The following RASGRF2 variants were observed in gnomAD, a reference collection of about 807,000 sequenced individuals.
The protein encoded by RASGRF2 is Ras protein specific guanine nucleotide releasing factor 2.
Under a neutral mutation model 151.0 loss-of-function variants are expected in RASGRF2, and 76 were observed. The observed-to-expected ratio is 0.50, with a 90% CI of 0.42 to 0.61. RASGRF2 has a LOEUF of 0.61. RASGRF2 is among the 20% of genes least tolerant of loss of function. RASGRF2 has a pLI of 0.00. For missense variants in RASGRF2, 1,148 were observed against 1,564.6 expected (o/e 0.73, Z 4.49); for synonymous variants, 504 against 566.5 (o/e 0.89, Z 1.57).
chr5:81,135,771 G>A (rs139672385), intron 17 of RASGRF2, among the ~76,000 whole-genome samples: 1 of 152,276 alleles, frequency 6.6e-6, no homozygotes, highest in African/African-American at 2.4e-5. Context: ...GTGTTTGTTT[G>A]TTTGCATTTA....
intron 1 of RASGRF2, among the ~76,000 whole-genome samples, chr5:80,996,504 C>CTTCTTCTTCTTCTT (rs56180832): frequency 4.0e-5 from 2 of 50,266 alleles, no homozygotes; most frequent in African/African-American, 7.7e-5. Context: ...TCTTCTTCTT[C>CTTCTTCTTCTTCTT]CTCCTCCTCC....
chr5:81,209,790 T>C (rs1755591180), intron 22 of RASGRF2, among the ~76,000 whole-genome samples: 2 of 152,184 alleles, frequency 1.3e-5, no homozygotes, highest in Admixed American at 1.3e-4. Context: ...GACTGCTACA[T>C]TGCATTCTTG....
intron 1 of RASGRF2, among the ~76,000 whole-genome samples, chr5:80,968,942 C>T (rs1260454583): frequency 6.6e-6 from 1 of 151,962 alleles, no homozygotes; most frequent in African/African-American, 2.4e-5. Flanking sequence ...CCTTGGCCTC[C>T]CAAAGTGCTG....
At chr5:81,168,531 G>A (rs1754569596) in intron 17 of RASGRF2, among the ~76,000 whole-genome samples, 1 of 151,904 alleles carries the variant, frequency 6.6e-6, no homozygotes, top group Admixed American at 6.6e-5. Context: ...GGCTGGTCTC[G>A]AACTCCTGAC....
chr5:80,985,959 G>A (rs78940616), intron 1 of RASGRF2, among the ~76,000 whole-genome samples: 2,023 of 151,958 alleles, frequency 0.013, 39 homozygotes, highest in African/African-American at 0.046. Flanking sequence ...GTGTGTAAGC[G>A]TTTTATTTGT....
intron 12 of RASGRF2, among the ~76,000 whole-genome samples, chr5:81,099,799 C>G (rs143361081): frequency 8.5e-4 from 130 of 152,180 alleles, no homozygotes; most frequent in African/African-American, 2.9e-3. Context: ...GACAGTAATT[C>G]ACTGGCACTA....
At chr5:81,224,632 T>A (rs1441488862) in intron 26 of RASGRF2, among the ~76,000 whole-genome samples, 1 of 152,212 alleles carries the variant, frequency 6.6e-6, no homozygotes, top group East Asian at 1.9e-4. Context: ...TGGGAAGAGC[T>A]CAAGTGTCCA....
chr5:81,004,397 A>C (rs1409348703), intron 1 of RASGRF2, among the ~76,000 whole-genome samples: 1 of 152,164 alleles, frequency 6.6e-6, no homozygotes, highest in Admixed American at 6.5e-5. Context: ...TGGCTGACCT[A>C]CTGATCACAG....
chr5:81,083,709 T>G (rs1321588296), intron 7 of RASGRF2, among the ~76,000 whole-genome samples: 1 of 152,220 alleles, frequency 6.6e-6, no homozygotes, highest in East Asian at 1.9e-4. Context: ...CAGCTGCTCA[T>G]GTATTTATTT....
rs755956045 is a variant in RASGRF2, at chr5:81,217,450, G to A, written c.3529G>A (p.Val1177Ile). Residue 1177 changes from valine (V) to isoleucine (I), a missense_variant, in exon 25 of 27, where the codon GTC becomes ATC. Val to Ile is a conservative substitution (Grantham distance 29). Transcript: ENST00000265080. ...ACCAAACTTTACTGAGGAAGGCCTT[G>A]TCAATTTCTCCAAAATGAGAATGGT... ...GTPNFTEEGL[V>I]NFSKMRMISH... The A allele has an allele frequency of 5.6e-6, 9 of 1,611,132 alleles. No homozygotes were observed. Among genetic ancestry groups the A allele is most frequent in the Admixed American group, 3.4e-5 (2 of 59,652 alleles).
At chr5:81,167,705 C>T (rs1014336193) in intron 17 of RASGRF2, among the ~76,000 whole-genome samples, 2 of 152,144 alleles carry the variant, frequency 1.3e-5, no homozygotes, top group Non-Finnish European at 2.9e-5. Context: ...GCCTCCAGGG[C>T]ACATGAGGAA....
At chr5:80,995,100 C>CA (rs1223028253) in intron 1 of RASGRF2, among the ~76,000 whole-genome samples, 3 of 151,890 alleles carry the variant, frequency 2.0e-5, no homozygotes, top group Non-Finnish European at 4.4e-5. Flanking sequence ...ACTGAAAATA[C>CA]AAAAAATCAC....
intron 17 of RASGRF2, among the ~76,000 whole-genome samples, chr5:81,138,189 T>C (rs905570224): frequency 6.6e-6 from 1 of 152,194 alleles, no homozygotes; most frequent in Non-Finnish European, 1.5e-5. Flanking sequence ...GAGTCTTCTA[T>C]ATCTTCCAAT....
At chr5:81,120,521 C>T (rs769348821) in intron 15 of RASGRF2, among the ~76,000 whole-genome samples, 9 of 152,048 alleles carry the variant, frequency 5.9e-5, no homozygotes, top group Non-Finnish European at 1.0e-4. Flanking sequence ...AGGTCAAGGA[C>T]GCAGTGAGCT....
chr5:80,989,211 T>C (rs1430704971), intron 1 of RASGRF2, among the ~76,000 whole-genome samples: 2 of 151,908 alleles, frequency 1.3e-5, no homozygotes, highest in African/African-American at 2.4e-5. Context: ...CCTCAAGTGA[T>C]CCCCCCGCGT....
chr5:81,224,988 T>G (rs1473432540), intron 26 of RASGRF2, among the ~76,000 whole-genome samples: 1 of 131,888 alleles, frequency 7.6e-6, no homozygotes, highest in South Asian at 2.6e-4. Flanking sequence ...CAGATCAAAC[T>G]ATCTATTTCA....
chr5:81,005,974 A>G (rs368972990), intron 1 of RASGRF2, among the ~76,000 whole-genome samples: 48 of 152,306 alleles, frequency 3.2e-4, no homozygotes, highest in African/African-American at 1.1e-3. Flanking sequence ...TTTATCGGAC[A>G]ATCTTTAAGG....
chr5:81,038,329 T>C (rs896306970), intron 1 of RASGRF2, among the ~76,000 whole-genome samples: 1 of 152,208 alleles, frequency 6.6e-6, no homozygotes, highest in Non-Finnish European at 1.5e-5. Flanking sequence ...CCATAGTATA[T>C]AATTCTTTCC....
intron 1 of RASGRF2, among the ~76,000 whole-genome samples, chr5:81,007,971 C>T (rs1749326013): frequency 6.6e-6 from 1 of 152,054 alleles, no homozygotes; most frequent in Admixed American, 6.5e-5. Flanking sequence ...CTCAGCTTCC[C>T]AGGACCATCC....
Sources: allele counts gnomAD v4.1 joint callset (sites outside exome capture counted in the v4.1 genomes callset), GRCh38; gene constraint gnomAD v4.1.1; transcripts MANE v1.5; gene names NCBI Gene and HGNC (gene_info 2026-07-23, HGNC 2026-07-21).